PTGDR: variants seen among roughly 807,000 people sequenced by gnomAD.
PTGDR encodes the protein prostaglandin D2 receptor.
PTGDR carries 19 observed loss-of-function variants against 17.4 expected under a neutral mutation model. The observed-to-expected ratio is 1.09, with a 90% CI of 0.76 to 1.60. The LOEUF is 1.60. Ranked by LOEUF, PTGDR falls within the 40% of genes most tolerant of loss-of-function variation. PTGDR has a pLI of 0.00. For synonymous variants in PTGDR, 267 were observed against 224.2 expected, an observed-to-expected ratio of 1.19 and a Z score of -1.71; for missense variants, 526 against 481.9, an observed-to-expected ratio of 1.09 and a Z score of -0.86.
downstream of PTGDR, among the ~76,000 whole-genome samples, chr14:52,280,098 CAATA>C (rs1209911619): frequency 6.6e-6 from 1 of 152,034 alleles, no homozygotes; most frequent in African/African-American, 2.4e-5. Flanking sequence ...GATTTTAAAA[CAATA>C]AAGCCCCAAA....
At chr14:52,273,406 T>G (rs78011107) in intron 1 of PTGDR, among the ~76,000 whole-genome samples, 1 of 152,222 alleles carries the variant, frequency 6.6e-6, no homozygotes, top group Non-Finnish European at 1.5e-5. Context: ...AACTGGAAAT[T>G]TGAAAATTCA....
chr14:52,268,504 G>A lies in PTGDR; in HGVS notation c.690G>A (p.Arg230=). 6.2e-7 allele frequency: 1 copy of A among 1,610,894 alleles called. No homozygotes were observed. Among genetic ancestry groups the A allele is most frequent in the Non-Finnish European group, 8.5e-7 (1 of 1,179,682 alleles). ...TGCGCAACCTCTATGCGATGCACCG[G>A]CGGCTGCAGCGGCACCCGCGCTCCT... ...GAMRNLYAMH[R]RLQRHPRSCT... Residue 230 remains arginine (R), a synonymous_variant, in exon 1 of 2, where the codon CGG becomes CGA. Transcript: ENST00000306051.
chr14:52,271,792 G>C (rs2033327401), intron 1 of PTGDR, among the ~76,000 whole-genome samples: 1 of 152,186 alleles, frequency 6.6e-6, no homozygotes, highest in Non-Finnish European at 1.5e-5. Context: ...AGGGGAAAAA[G>C]GCAAATCACA....
Position 52,267,931 on chromosome 14 carries a change from G to C in PTGDR, c.117G>C (p.Gly39=). The C allele has an allele frequency of 6.2e-7, 1 of 1,610,286 alleles. No individual in the cohort carries two copies. The highest frequency in any genetic ancestry group is 1.3e-5 in the African/African-American group (1 of 75,030). The change falls in exon 1 of 2, where the codon GGG becomes GGC. Residue 39 remains glycine (G), a synonymous_variant. Coordinates refer to ENST00000306051, the MANE Select transcript of PTGDR (RefSeq NM_000953.3). ...TGLLGNLLAL[G]LLARSGLGWC... is the part of the protein sequence containing the mutation. ...TCCTGGGCAACCTGCTGGCCCTGGG[G>C]CTGCTGGCGCGCTCGGGGCTGGGGT...
At chr14:52,280,762 C>T (rs535256580), downstream of PTGDR, among the ~76,000 whole-genome samples, 1 of 152,366 alleles carries the variant, frequency 6.6e-6, no homozygotes, top group Admixed American at 6.5e-5. Context: ...CTGTTTTCCC[C>T]TACCCTCTTC....
In PTGDR at chr14:52,275,383, C is replaced by T; in HGVS notation, c.*419C>T. ...CATTCATAAAAAGCATAATTTCTTA[C>T]CCTATTCATTTTTTGGTGAAACCTG... On this transcript the variant is annotated 3_prime_UTR_variant, in exon 2 of 2. Transcript: ENST00000306051. The T allele has an allele frequency of 6.3e-6, 1 of 158,826 alleles. No individual in the cohort carries two copies. Among genetic ancestry groups the T allele is most frequent in the South Asian group, 1.8e-4 (1 of 5,572 alleles). The allele number at this position is 158,826 out of a possible 1,614,324, so 9.8% of individuals were successfully genotyped here.
chr14:52,268,650 T>C lies in PTGDR; in HGVS notation c.836T>C (p.Leu279Pro), dbSNP rs1056972366. ...LMTVLFTMCS[L>P]PVIYRAYYGA... ...ACCGTGCTCTTCACTATGTGTTCTC[T>C]GCCCGTAATTGTGAGTCCCCGGGCC... Residue 279 changes from leucine (L) to proline (P), a missense_variant, in exon 1 of 2, where the codon CTG becomes CCG. Transcript: ENST00000306051. The C allele has an allele frequency of 6.4e-7, 1 of 1,567,662 alleles. No homozygotes were observed.
intron 1 of PTGDR, among the ~76,000 whole-genome samples, chr14:52,271,779 T>C (rs767170240): frequency 2.6e-5 from 4 of 152,216 alleles, no homozygotes; most frequent in Non-Finnish European, 4.4e-5. Flanking sequence ...TGTGAGAGAA[T>C]GAAGGGGAAA....
chr14:52,269,214 G>T (rs2033278570), intron 1 of PTGDR, among the ~76,000 whole-genome samples: 1 of 152,144 alleles, frequency 6.6e-6, no homozygotes, highest in Non-Finnish European at 1.5e-5. Context: ...TTTGAAAAAC[G>T]CGTGCGTAAA....
At chr14:52,273,922 C>T (rs2033369329) in intron 1 of PTGDR, among the ~76,000 whole-genome samples, 1 of 152,040 alleles carries the variant, frequency 6.6e-6, no homozygotes, top group African/African-American at 2.4e-5. Flanking sequence ...TCAGTGTTGG[C>T]TGAATGGGAG....
chr14:52,273,283 G>T (rs41312478), intron 1 of PTGDR, among the ~76,000 whole-genome samples: 1,789 of 152,276 alleles, frequency 0.012, 31 homozygotes, highest in African/African-American at 0.04. Flanking sequence ...AGAGTGCTGG[G>T]ATTACAGGCG....
rs201770951 is a variant in PTGDR at position 52,268,343 on chromosome 14, T to A, written c.529T>A (p.Tyr177Asn). The stretch of plus-strand genomic sequence containing the variant: ...CATGGGCTTCGGGAAGTTCGTGCAG[T>A]ACTGCCCCGGCACCTGGTGCTTTAT... Reference protein sequence around the residue: ...PFMGFGKFVQYCPGTWCFIQM... With the variant: ...PFMGFGKFVQNCPGTWCFIQM... The change falls in exon 1 of 2, where the codon TAC (tyrosine) becomes AAC (asparagine). Residue 177 changes from tyrosine (Y) to asparagine (N), a missense_variant. Transcript: ENST00000306051. The A allele has an allele frequency of 1.9e-6, 3 of 1,613,552 alleles. No individual in the cohort carries two copies.
At chr14:52,269,442 A>C in intron 1 of PTGDR, 1 of 1,524,100 alleles carries the variant, frequency 6.6e-7, no homozygotes, top group Non-Finnish European at 8.8e-7. Flanking sequence ...TTATCTCCTC[A>C]TTTTGAAGGC....
At position 52,275,107 on chromosome 14, in the gene PTGDR, A is replaced by T; in HGVS notation, c.*143A>T. 1 of 673,354 alleles carries T rather than the reference A, an allele frequency of 1.5e-6. No homozygotes were observed. Among genetic ancestry groups the T allele is most frequent in the Non-Finnish European group, 2.5e-6 (1 of 405,636 alleles). 41.7% of individuals were successfully genotyped at this position (673,354 alleles called of 1,614,324 possible). ...AAAAGCATGTATATGTATTTTCAAA[A>T]GTATTTGATATCTTAACAATGTGTT... On this transcript the variant is annotated 3_prime_UTR_variant, in exon 2 of 2. Transcript: ENST00000306051.
downstream of PTGDR, among the ~76,000 whole-genome samples, chr14:52,279,639 A>G (rs562898782): frequency 2.8e-4 from 42 of 152,258 alleles, no homozygotes; most frequent in Non-Finnish European, 4.9e-4. Flanking sequence ...CAGTGGAATG[A>G]ATCAGCAGAT....
chr14:52,274,636 C>A, intron 1 of PTGDR, 95 bp from the exon 2 acceptor site: 2 of 1,075,482 alleles, frequency 1.9e-6, no homozygotes, highest in South Asian at 1.5e-5. Context: ...CCAAGCTAAG[C>A]TGTCATGTTC....
intron 1 of PTGDR, among the ~76,000 whole-genome samples, chr14:52,270,269 C>T (rs1374801568): frequency 6.6e-6 from 1 of 152,124 alleles, no homozygotes; most frequent in East Asian, 1.9e-4. Context: ...TGTACTCAGC[C>T]GGGAGCGGTG....
intron 1 of PTGDR, among the ~76,000 whole-genome samples, chr14:52,272,718 C>T (rs907125732): frequency 6.6e-6 from 1 of 152,148 alleles, no homozygotes; most frequent in Non-Finnish European, 1.5e-5. Context: ...TCCCTGGGCC[C>T]ATCACTTGCC....
chr14:52,272,538 C>T (rs537902217), intron 1 of PTGDR, among the ~76,000 whole-genome samples: 1 of 151,946 alleles, frequency 6.6e-6, no homozygotes, highest in Non-Finnish European at 1.5e-5. Context: ...GTGAGAAGAA[C>T]GCCCTCTGAT....
Sources: allele counts gnomAD v4.1 joint callset (sites outside exome capture counted in the v4.1 genomes callset), GRCh38; gene constraint gnomAD v4.1.1; transcripts MANE v1.5; gene names NCBI Gene and HGNC (gene_info 2026-07-23, HGNC 2026-07-21).